Variants in ZNF536 observed in about 807,000 individuals in gnomAD.
ZNF536 encodes the protein zinc finger protein 536.
A neutral mutation model predicts 84.5 loss-of-function variants in ZNF536; 13 were observed. That is an observed-to-expected ratio of 0.15 (90% CI 0.10 to 0.24). The LOEUF (loss-of-function observed/expected upper bound fraction) is 0.24, where lower values mean the gene tolerates loss of function less well. Among genes scored for constraint, ZNF536 ranks in the 10% least tolerant of loss-of-function variants. The pLI, the probability that ZNF536 is intolerant of heterozygous loss-of-function variation, is 1.00. For synonymous variants in ZNF536, 811 were observed against 742.5 expected (o/e 1.09, Z -1.50); for missense variants, 1,536 against 1,747.5 (o/e 0.88, Z 2.16).
intron 1 of ZNF536, among the ~76,000 whole-genome samples, chr19:30,684,838 G>T (rs1179400096): frequency 6.6e-6 from 1 of 152,200 alleles, no homozygotes; most frequent in Non-Finnish European, 1.5e-5. Context: ...ATCCCGGGCT[G>T]AACAGCCAAG....
chr19:30,263,917 A>C (rs774216030), intron 1 of ZNF536, among the ~76,000 whole-genome samples: 141 of 152,136 alleles, frequency 9.3e-4, no homozygotes, highest in Non-Finnish European at 1.3e-3. Flanking sequence ...ACACACACGC[A>C]TTTCAGACTA....
intron 1 of ZNF536, among the ~76,000 whole-genome samples, chr19:30,693,737 C>T (rs1052040013): frequency 6.6e-6 from 1 of 152,180 alleles, no homozygotes; most frequent in East Asian, 1.9e-4. Flanking sequence ...CTATTGTTCA[C>T]AGTACCAATT....
intron 1 of ZNF536, among the ~76,000 whole-genome samples, chr19:30,632,651 A>AATC (rs2048932027): frequency 6.7e-6 from 1 of 149,596 alleles, no homozygotes; most frequent in Non-Finnish European, 1.5e-5. Context: ...ATCAACCAAC[A>AATC]AACCAACCAA....
intron 2 of ZNF536, among the ~76,000 whole-genome samples, chr19:30,331,997 A>G (rs2047227001): frequency 6.6e-6 from 1 of 152,000 alleles, no homozygotes; most frequent in South Asian, 2.1e-4. Flanking sequence ...GTGAACTCAG[A>G]TATCTCCCTT....
intron 1 of ZNF536, among the ~76,000 whole-genome samples, chr19:30,394,666 A>G (rs548739787): frequency 2.6e-5 from 4 of 152,244 alleles, no homozygotes; most frequent in Admixed American, 6.5e-5. Flanking sequence ...ACCTGTAAAT[A>G]GTACAGTCTG....
At chr19:30,271,276 C>A (rs190019171) in intron 1 of ZNF536, among the ~76,000 whole-genome samples, 141 of 132,894 alleles carry the variant, frequency 1.1e-3, no homozygotes, top group South Asian at 1.0e-3. Flanking sequence ...CTTCTGGAAG[C>A]TTTCCCTGTG....
At chr19:30,442,089 G>A (rs1187110562) in intron 1 of ZNF536, among the ~76,000 whole-genome samples, 1 of 152,228 alleles carries the variant, frequency 6.6e-6, no homozygotes, top group African/African-American at 2.4e-5. Context: ...CTAAACAATG[G>A]GATGCAAGAG....
chr19:30,424,477 C>G (rs2051126402), intron 1 of ZNF536, among the ~76,000 whole-genome samples: 1 of 152,164 alleles, frequency 6.6e-6, no homozygotes. Flanking sequence ...GTAACACAGT[C>G]TGCTGAGCAC....
chr19:30,625,546 G>C (rs1272091663), intron 1 of ZNF536, among the ~76,000 whole-genome samples: 2 of 152,240 alleles, frequency 1.3e-5, no homozygotes, highest in Non-Finnish European at 2.9e-5. Context: ...AGCGGGCAAG[G>C]TTGGCATTAC....
At chr19:30,344,713 G>C (rs78488908) in intron 2 of ZNF536, among the ~76,000 whole-genome samples, 1,735 of 152,234 alleles carry the variant, frequency 0.011, 37 homozygotes, top group African/African-American at 0.04. Flanking sequence ...TGGCCTCGGG[G>C]ATTCAGGTTC....
intron 1 of ZNF536, among the ~76,000 whole-genome samples, chr19:30,673,717 A>T (rs2050648120): frequency 1.3e-5 from 2 of 152,092 alleles, no homozygotes; most frequent in Non-Finnish European, 2.9e-5. Flanking sequence ...TAACTCTCAC[A>T]TGCGTGCCCA....
At chr19:30,234,540 T>C (rs1290640920) in intron 1 of ZNF536, among the ~76,000 whole-genome samples, 1 of 151,788 alleles carries the variant, frequency 6.6e-6, no homozygotes, top group African/African-American at 2.4e-5. Flanking sequence ...TTGCTGGGAT[T>C]ACAAGCATGT....
At chr19:30,401,039 G>C (rs903755655) in intron 1 of ZNF536, among the ~76,000 whole-genome samples, 2 of 152,036 alleles carry the variant, frequency 1.3e-5, no homozygotes, top group Admixed American at 6.6e-5. Flanking sequence ...TAAGATATGA[G>C]ATTTAGGTCA....
chr19:30,629,274 C>T (rs2048800312), intron 1 of ZNF536, among the ~76,000 whole-genome samples: 2 of 152,328 alleles, frequency 1.3e-5, no homozygotes, highest in Non-Finnish European at 2.9e-5. Context: ...TCACGGCTTA[C>T]TGCAGGCTCG....
chr19:30,448,209 G>A (rs2052440556), intron 2 of ZNF536, among the ~76,000 whole-genome samples: 1 of 152,014 alleles, frequency 6.6e-6, no homozygotes, highest in Admixed American at 6.6e-5. Context: ...ATAATTTTCT[G>A]ACTAAGTAGG....
intron 1 of ZNF536, among the ~76,000 whole-genome samples, chr19:30,600,620 C>T (rs999102748): frequency 1.4e-4 from 22 of 152,276 alleles, no homozygotes; most frequent in Admixed American, 1.3e-3. Context: ...GAGCATGGGG[C>T]ATATTGTAGG....
intron 1 of ZNF536, among the ~76,000 whole-genome samples, chr19:30,248,395 A>G (rs1024750829): frequency 9.1e-6 from 1 of 110,410 alleles, no homozygotes; most frequent in African/African-American, 5.0e-5. Flanking sequence ...ATGCCCTGCT[A>G]ATTTTTTTTT....
chr19:30,600,549 C>T (rs891230696), intron 1 of ZNF536, among the ~76,000 whole-genome samples: 5 of 152,176 alleles, frequency 3.3e-5, no homozygotes, highest in Non-Finnish European at 5.9e-5. Context: ...CTCACATCCA[C>T]GTCCTAGTGT....
At chr19:30,414,884 G>C (rs1379926153) in intron 1 of ZNF536, among the ~76,000 whole-genome samples, 2 of 152,050 alleles carry the variant, frequency 1.3e-5, no homozygotes, top group Non-Finnish European at 2.9e-5. Context: ...AGAATTCTAG[G>C]TTTAAAATAA....
Sources: allele counts gnomAD v4.1 joint callset (sites outside exome capture counted in the v4.1 genomes callset), GRCh38; gene constraint gnomAD v4.1.1; transcripts MANE v1.5; gene names NCBI Gene and HGNC (gene_info 2026-07-23, HGNC 2026-07-21).